The following GPR107 variants were observed in gnomAD, a reference collection of about 807,000 sequenced individuals.
GPR107 encodes G protein-coupled receptor 107, also known as protein GPR107.
In GPR107, 31 loss-of-function variants were observed where a neutral mutation model predicts 75.5. That is an observed-to-expected ratio of 0.41 (90% CI 0.31 to 0.55). The LOEUF (loss-of-function observed/expected upper bound fraction) is 0.55, where lower values mean the gene tolerates loss of function less well. Ranked by LOEUF, GPR107 falls within the 20% of genes least tolerant of loss-of-function variation. The pLI is 0.26. For missense variants in GPR107, 572 were observed against 665.7 expected, an observed-to-expected ratio of 0.86 and a Z score of 1.55; for synonymous variants, 267 against 251.3, an observed-to-expected ratio of 1.06 and a Z score of -0.59.
At chr9:130,078,487 T>C (rs1830414250) in intron 4 of GPR107, among the ~76,000 whole-genome samples, 1 of 152,252 alleles carries the variant, frequency 6.6e-6, no homozygotes, top group Non-Finnish European at 1.5e-5. Context: ...GACAGTCTCC[T>C]GTATTGGTCA....
At chr9:130,070,501 G>A (rs989572913) in intron 1 of GPR107, among the ~76,000 whole-genome samples, 4 of 151,862 alleles carry the variant, frequency 2.6e-5, no homozygotes, top group Non-Finnish European at 4.4e-5. Context: ...ATGAGGTTTC[G>A]CCATGTTGGC....
In GPR107 at chr9:130,135,063, T is replaced by G. The variant is rs782328119; in HGVS notation, c.1601T>G (p.Val534Gly). 1.2e-6 allele frequency: 2 copies of G among 1,611,570 alleles called. No individual in the cohort carries two copies. The highest frequency in any genetic ancestry group is 2.2e-5 in the South Asian group (2 of 90,964). ...GGGGTGATGGAAAGTATGAAGAAAG[T>G]CAAGAAGGTGACCAACGGCTCCGTG... The part of the protein sequence containing the change: ...TSGVMESMKK[V>G]KKVTNGSVEP... Residue 534 changes from valine to glycine, a missense_variant, in exon 18 of 18, where the codon GTC becomes GGC. Physicochemically the swap from Val to Gly is moderately radical, Grantham distance 109. Coordinates refer to ENST00000347136, the MANE Select transcript of GPR107 (RefSeq NM_020960.5).
chr9:130,130,563 C>A (rs987184484), intron 17 of GPR107, among the ~76,000 whole-genome samples: 1 of 152,142 alleles, frequency 6.6e-6, no homozygotes, highest in Non-Finnish European at 1.5e-5. Context: ...CCAGAAAACA[C>A]TTTTTAGTTA....
chr9:130,082,026 A>G (rs1023801012), intron 5 of GPR107, among the ~76,000 whole-genome samples: 7 of 152,210 alleles, frequency 4.6e-5, no homozygotes, highest in Non-Finnish European at 8.8e-5. Flanking sequence ...AGGAGCAGGC[A>G]GGTCACATGG....
intron 4 of GPR107, 104 bp from the exon 5 acceptor site, chr9:130,079,526 C>A: frequency 2.5e-6 from 2 of 812,264 alleles, no homozygotes; most frequent in South Asian, 2.1e-5. Flanking sequence ...CATTGTAGAA[C>A]ATGATAAGGA....
At chr9:130,057,284 C>T (rs772371298) in intron 1 of GPR107, among the ~76,000 whole-genome samples, 2 of 152,032 alleles carry the variant, frequency 1.3e-5, no homozygotes, top group East Asian at 1.9e-4. Flanking sequence ...TTGGAGGCTG[C>T]GGTGAGCTAT....
At chr9:130,059,325 T>A (rs1466242429) in intron 1 of GPR107, among the ~76,000 whole-genome samples, 1 of 152,050 alleles carries the variant, frequency 6.6e-6, no homozygotes, top group Non-Finnish European at 1.5e-5. Context: ...CTGTCTCTAC[T>A]AAAAATACAA....
chr9:130,110,270 G>A (rs752498214), intron 14 of GPR107: 16 of 733,304 alleles, frequency 2.2e-5, no homozygotes, highest in East Asian at 5.4e-5. Context: ...TGGGGTCAGC[G>A]TTGTCCCCCA....
At chr9:130,105,251 CTT>C (rs199783444) in intron 13 of GPR107, among the ~76,000 whole-genome samples, 40 of 144,146 alleles carry the variant, frequency 2.8e-4, no homozygotes, top group Non-Finnish European at 2.6e-4. Context: ...ACAAGTGCTT[CTT>C]TTTTTTTTTT....
At chr9:130,077,697 C>A (rs1830387325) in intron 4 of GPR107, among the ~76,000 whole-genome samples, 1 of 152,182 alleles carries the variant, frequency 6.6e-6, no homozygotes, top group Admixed American at 6.6e-5. Flanking sequence ...TAAAGCATTC[C>A]AGGCAGAGGG....
chr9:130,054,250 G>C (rs1180299800), intron 1 of GPR107, among the ~76,000 whole-genome samples, 177 bp downstream of exon 1: 1 of 152,208 alleles, frequency 6.6e-6, no homozygotes, highest in Non-Finnish European at 1.5e-5. Context: ...GCGGCGCTGG[G>C]GTCTTCGGGC....
chr9:130,114,391 T>C (rs1206951893), intron 14 of GPR107, among the ~76,000 whole-genome samples: 2 of 151,938 alleles, frequency 1.3e-5, no homozygotes, highest in African/African-American at 4.8e-5. Context: ...ACATATATTA[T>C]TAATTAATTT....
chr9:130,076,412 A>G lies in GPR107; in HGVS notation c.256A>G (p.Ile86Val). Residue 86 changes from isoleucine (I) to valine (V), a missense_variant and splice_region_variant, in exon 3 of 18, where the codon ATT becomes GTT. Physicochemically the swap from Ile to Val is conservative, Grantham distance 29. Transcript: ENST00000347136. ...LNEPEDKDVTIGFSLDRTKND... is the reference protein window; with the variant it reads ...LNEPEDKDVTVGFSLDRTKND... ...TTCTACTGTTTTTACTCCCCATTAG[A>G]TTGGATTTAGCCTAGACCGTACAAA... The G allele has an allele frequency of 1.3e-6, 2 of 1,547,028 alleles. No homozygotes were observed. Among genetic ancestry groups the G allele is most frequent in the Non-Finnish European group, 1.8e-6 (2 of 1,118,712 alleles).
At chr9:130,097,155 CTT>C (rs71387312) in intron 9 of GPR107, among the ~76,000 whole-genome samples, 2 of 130,174 alleles carry the variant, frequency 1.5e-5, no homozygotes, top group Non-Finnish European at 3.1e-5. Context: ...TCTTTTTTTT[CTT>C]TTTTTTTTTT....
chr9:130,078,831 G>A (rs75397884), intron 4 of GPR107, among the ~76,000 whole-genome samples: 3 of 152,208 alleles, frequency 2.0e-5, no homozygotes, highest in Non-Finnish European at 4.4e-5. Flanking sequence ...CATGGGAACT[G>A]TCACTGGCCC....
chr9:130,087,805 C>CAAAAA (rs35984705), intron 7 of GPR107, among the ~76,000 whole-genome samples: 32 of 87,606 alleles, frequency 3.7e-4, no homozygotes, highest in African/African-American at 9.0e-4. Context: ...GACCCTGTCT[C>CAAAAA]AAAAAAAAAA....
At chr9:130,131,062 G>A (rs1588087282) in intron 17 of GPR107, among the ~76,000 whole-genome samples, 2 of 152,118 alleles carry the variant, frequency 1.3e-5, no homozygotes, top group South Asian at 4.1e-4. Context: ...GCTTATCTGC[G>A]GCGGTCGGAT....
chr9:130,077,562 A>G (rs973733676), intron 4 of GPR107, among the ~76,000 whole-genome samples, 184 bp downstream of exon 4: 1 of 152,198 alleles, frequency 6.6e-6, no homozygotes, highest in African/African-American at 2.4e-5. Flanking sequence ...GGAAATACAC[A>G]TGATCACCGC....
chr9:130,097,607 T>C (rs2132602842), intron 9 of GPR107, among the ~76,000 whole-genome samples: 1 of 152,254 alleles, frequency 6.6e-6, no homozygotes, highest in African/African-American at 2.4e-5. Flanking sequence ...AGGTGTAAAG[T>C]GGTATCTTGC....
Sources: gnomAD v4.1 joint callset for allele counts (sites outside exome capture counted in the v4.1 genomes callset) on GRCh38, gnomAD v4.1.1 for gene constraint, MANE v1.5 for transcripts, NCBI Gene and HGNC (gene_info 2026-07-23, HGNC 2026-07-21) for gene names.